PEBP1: variants seen among roughly 807,000 people sequenced by gnomAD.
PEBP1 encodes the protein phosphatidylethanolamine binding protein 1.
A neutral mutation model predicts 22.7 loss-of-function variants in PEBP1; 17 were observed. The ratio of observed to expected loss-of-function variants is 0.75; its 90% CI spans 0.51 to 1.12. PEBP1 has a LOEUF of 1.12. PEBP1 is among the 50% of genes most tolerant of loss of function. The pLI is 0.00. For missense variants in PEBP1, 205 were observed against 243.5 expected, an observed-to-expected ratio of 0.84 and a Z score of 1.05; for synonymous variants, 106 against 104.3, an observed-to-expected ratio of 1.02 and a Z score of -0.10.
intron 3 of PEBP1, among the ~76,000 whole-genome samples, chr12:118,142,563 A>G (rs1469685059): frequency 6.6e-6 from 1 of 151,450 alleles, no homozygotes; most frequent in Non-Finnish European, 1.5e-5. Context: ...TTCAGCCTCC[A>G]CCTCCCAGGT....
chr12:118,144,714 G>A lies in PEBP1; in HGVS notation c.475G>A (p.Glu159Lys), dbSNP rs2034141725. ...GGTGGCGTCCTTCCGTAAAAAGTAT[G>A]AGCTCAGGGCCCCGGTGGCTGGCAC... is the stretch of plus-strand genomic sequence containing the variant. Reference protein sequence around the residue: ...FKVASFRKKYELRAPVAGTCY... With the variant: ...FKVASFRKKYKLRAPVAGTCY... Residue 159 changes from glutamate to lysine, a missense_variant, in exon 4 of 4, where the codon GAG becomes AAG. Coordinates refer to ENST00000261313, the MANE Select transcript of PEBP1 (RefSeq NM_002567.4). The A allele has an allele frequency of 6.2e-7, 1 of 1,614,040 alleles. No individual in the cohort carries two copies. Among genetic ancestry groups the A allele is most frequent in the Admixed American group, 1.7e-5 (1 of 59,998 alleles).
rs374392598 is a variant in PEBP1, at chr12:118,142,826, C to CTTTTTT, written c.347-1734_347-1729dup. Among the ~76,000 whole-genome samples the CTTTTTT allele has an allele frequency of 4.6e-4, 43 of 93,638 alleles. 3 individuals carry two copies. Among genetic ancestry groups the CTTTTTT allele is most frequent in the East Asian group, 1.1e-3 (3 of 2,712 alleles). 61.4% of individuals were successfully genotyped at this position (93,638 alleles called of 152,430 possible). On this transcript the variant is annotated intron_variant, in intron 3 of 3. Transcript: ENST00000261313. ...ACTACAGTAGCGTTAACTACATTCACTTTTTTTTTTTTTTTTTTTTTTTTT... is the reference window on the plus strand; with the variant it reads ...ACTACAGTAGCGTTAACTACATTCACTTTTTTTTTTTTTTTTTTTTTTTTTTTTTTT...
chr12:118,138,184 C>A, intron 2 of PEBP1, 36 bp downstream of exon 2: 2 of 1,379,542 alleles, frequency 1.4e-6, no homozygotes, highest in Non-Finnish European at 2.1e-6. Context: ...GCAGGTCATG[C>A]AGAGATGAGT....
chr12:118,140,864 C>T (rs192294818), intron 3 of PEBP1, among the ~76,000 whole-genome samples: 51 of 151,968 alleles, frequency 3.4e-4, no homozygotes, highest in East Asian at 9.7e-4. Flanking sequence ...TTTAAAAAAG[C>T]CTCAGTAACT....
At chr12:118,143,039 G>C (rs1367338732) in intron 3 of PEBP1, among the ~76,000 whole-genome samples, 1 of 151,228 alleles carries the variant, frequency 6.6e-6, no homozygotes, top group Non-Finnish European at 1.5e-5. Flanking sequence ...AGTAGAGACG[G>C]GGTTTCGCCA....
chr12:118,136,302 G>C lies in PEBP1; in HGVS notation c.93G>C (p.Gly31=). Residue 31 remains glycine, a synonymous_variant, in exon 1 of 4, where the codon GGG becomes GGC. Coordinates refer to ENST00000261313, the MANE Select transcript of PEBP1 (RefSeq NM_002567.4). The surrounding 1 kb of genome is among the most constrained non-coding windows in gnomAD (Gnocchi z 5.6). ...PQHPLHVTYA[G]AAVDELGKVL... is the part of the protein sequence containing the mutation. ...ACCCGCTGCATGTCACCTACGCCGG[G>C]GCGGCGGTGGACGAGCTGGGCAAAG... 6.5e-7 allele frequency: 1 copy of C among 1,546,100 alleles called. No homozygotes were observed. Among genetic ancestry groups the C allele is most frequent in the East Asian group, 2.4e-5 (1 of 40,882 alleles).
intron 2 of PEBP1, chr12:118,139,185 C>T (rs772289633): frequency 1.1e-4 from 37 of 341,704 alleles, no homozygotes; most frequent in Admixed American, 5.5e-4. Context: ...TGATGGCAGG[C>T]GCCTGTAATC....
chr12:118,142,826 CTTT>C (rs374392598), intron 3 of PEBP1, among the ~76,000 whole-genome samples: 6,035 of 93,476 alleles, frequency 0.065, 286 homozygotes, highest in Middle Eastern at 0.12. Flanking sequence ...ACTACATTCA[CTTT>C]TTTTTTTTTT....
intron 3 of PEBP1, among the ~76,000 whole-genome samples, chr12:118,140,304 C>G (rs75130609): frequency 1.3e-5 from 2 of 152,238 alleles, no homozygotes; most frequent in African/African-American, 4.8e-5. Flanking sequence ...CAGGAGTTAA[C>G]ATGAAGAGGT....
intron 3 of PEBP1, among the ~76,000 whole-genome samples, chr12:118,143,915 A>AC (rs1369977403): frequency 3.9e-5 from 6 of 151,940 alleles, no homozygotes; most frequent in Admixed American, 2.0e-4. Context: ...CAAAAAAAAA[A>AC]AAAAAACCCA....
At position 118,139,472 on chromosome 12, in the gene PEBP1, G is replaced by A. The variant is rs1182641580; in HGVS notation, c.267G>A (p.Val89=). The stretch of plus-strand genomic sequence containing the variant: ...GCAGAGAATGGCATCATTTCCTGGT[G>A]GTCAACATGAAGGGCAATGACATCA... ...PKYREWHHFL[V]VNMKGNDISS... is the part of the protein sequence containing the mutation. Residue 89 remains valine, a synonymous_variant, in exon 3 of 4, where the codon GTG becomes GTA. Transcript: ENST00000261313. The A allele has an allele frequency of 1.2e-6, 2 of 1,612,486 alleles. No homozygotes were observed. Among genetic ancestry groups the A allele is most frequent in the Non-Finnish European group, 1.7e-6 (2 of 1,179,522 alleles).
chr12:118,144,801 T>C lies in PEBP1; in HGVS notation c.562T>C (p.Ter188GlnextTer7), dbSNP rs200779586. Residue 188 changes from the stop codon to glutamine, a stop_lost, in exon 4 of 4, where the codon TAG (stop) becomes CAG (glutamine). Transcript: ENST00000261313. ...PKLYEQLSGK[*>Q] ...ACTGTACGAGCAGCTGTCTGGGAAGTAGGGGGTTAGCTTGGGGACCTGAAC... is the reference window on the plus strand; with the variant it reads ...ACTGTACGAGCAGCTGTCTGGGAAGCAGGGGGTTAGCTTGGGGACCTGAAC... 91 of 1,613,828 alleles carry C rather than the reference T, an allele frequency of 5.6e-5. No individual in the cohort carries two copies. Among genetic ancestry groups the C allele is most frequent in the Non-Finnish European group, 7.4e-5 (87 of 1,180,016 alleles).
chr12:118,137,670 G>GAA (rs1157110264), intron 1 of PEBP1, among the ~76,000 whole-genome samples: 10 of 152,130 alleles, frequency 6.6e-5, no homozygotes, highest in Non-Finnish European at 1.5e-4. Flanking sequence ...TGAGATCAAA[G>GAA]AAAGAGTATT....
chr12:118,140,503 CAT>C (rs892396148), intron 3 of PEBP1, among the ~76,000 whole-genome samples: 5 of 151,974 alleles, frequency 3.3e-5, no homozygotes, highest in Non-Finnish European at 5.9e-5. Context: ...GAAGCTTACC[CAT>C]GAGAATAAGG....
In PEBP1 at chr12:118,143,912, A is replaced by G. The variant is rs530289141; in HGVS notation, c.347-674A>G. On this transcript the variant is annotated intron_variant, in intron 3 of 3. Coordinates refer to ENST00000261313, the MANE Select transcript of PEBP1 (RefSeq NM_002567.4). Reference sequence around the variant, plus strand: ...CAGAGTGAGACTCCGTCTCAAAAAAAAAAAAAAAACCCACTTTTTAAAAAA... The same window carrying G: ...CAGAGTGAGACTCCGTCTCAAAAAAGAAAAAAAAACCCACTTTTTAAAAAA... 1.2e-3 allele frequency among the ~76,000 whole-genome samples: 178 copies of G among 151,830 alleles called. 1 individual carries two copies. The highest frequency in any genetic ancestry group is 4.1e-3 in the African/African-American group (170 of 41,432).
At chr12:118,142,826 C>CTTTTTTTTTTT (rs374392598) in intron 3 of PEBP1, among the ~76,000 whole-genome samples, 2 of 93,650 alleles carry the variant, frequency 2.1e-5, no homozygotes, top group African/African-American at 4.5e-5. Flanking sequence ...ACTACATTCA[C>CTTTTTTTTTTT]TTTTTTTTTT....
In PEBP1 at chr12:118,136,262, A is replaced by G. The variant is rs756900003; in HGVS notation, c.53A>G (p.Asp18Gly). ...WSGPLSLQEV[D>G]EQPQHPLHVT... ...GGGCCCTTGAGCCTGCAAGAAGTGGACGAGCAGCCGCAGCACCCGCTGCAT... is the reference window on the plus strand; with the variant it reads ...GGGCCCTTGAGCCTGCAAGAAGTGGGCGAGCAGCCGCAGCACCCGCTGCAT... The change falls in exon 1 of 4, where the codon GAC becomes GGC. Residue 18 changes from aspartate (D) to glycine (G), a missense_variant. Asp to Gly is a moderately conservative substitution (Grantham distance 94, BLOSUM62 -1). Transcript: ENST00000261313. The surrounding 1 kb of genome is among the most constrained non-coding windows in gnomAD (Gnocchi z 5.6). 13 of 1,547,158 alleles carry G rather than the reference A, an allele frequency of 8.4e-6. No individual in the cohort carries two copies. In the South Asian group the frequency reaches 1.5e-4, roughly 18 times the overall value.
chr12:118,142,826 C>CTTTTTTTT (rs374392598), intron 3 of PEBP1, among the ~76,000 whole-genome samples: 3 of 93,638 alleles, frequency 3.2e-5, no homozygotes, highest in Admixed American at 1.2e-4. Flanking sequence ...ACTACATTCA[C>CTTTTTTTT]TTTTTTTTTT....
chr12:118,140,259 G>GTCA (rs765191398), intron 3 of PEBP1, among the ~76,000 whole-genome samples: 1 of 152,174 alleles, frequency 6.6e-6, no homozygotes, highest in African/African-American at 2.4e-5. Context: ...TGGTGGAACT[G>GTCA]TCATAATCCT....
Sources: allele counts gnomAD v4.1 joint callset (sites outside exome capture counted in the v4.1 genomes callset), GRCh38; gene constraint gnomAD v4.1.1; non-coding constraint Gnocchi (gnomAD v3.1); transcripts MANE v1.5; gene names NCBI Gene and HGNC (gene_info 2026-07-23, HGNC 2026-07-21).